The following TEDC1 variants were observed in gnomAD, a reference collection of about 807,000 sequenced individuals.
TEDC1 encodes tubulin epsilon and delta complex protein 1.
TEDC1 carries 54 observed loss-of-function variants against 59.9 expected under a neutral mutation model. That is an observed-to-expected ratio of 0.90 (90% confidence interval 0.72 to 1.13). The LOEUF (loss-of-function observed/expected upper bound fraction) is 1.13, where lower values mean the gene tolerates loss of function less well. Among genes scored for constraint, TEDC1 ranks in the 50% most tolerant of loss-of-function variants. The probability of loss-of-function intolerance (pLI) is 0.00; values close to 1 mark genes in which losing one functional copy is unlikely to be tolerated. For synonymous variants in TEDC1, 353 were observed against 298.1 expected (o/e 1.18, Z -1.90); for missense variants, 734 against 683.4 (o/e 1.07, Z -0.83).
chr14:105,497,336 C>T (rs782525898), intron 6 of TEDC1, 21 bp from the exon 7 acceptor site: 11 of 1,548,644 alleles, frequency 7.1e-6, no homozygotes, highest in East Asian at 2.4e-5. Flanking sequence ...GGTTCTAGGC[C>T]AGCTGCCGTT....
chr14:105,498,633 G>A lies in TEDC1; in HGVS notation c.1175G>A (p.Arg392Gln), dbSNP rs202031010. The A allele has an allele frequency of 8.8e-5, 136 of 1,548,324 alleles. No homozygotes were observed. In the East Asian group the frequency reaches 2.5e-3, roughly 28 times the overall value. Residue 392 changes from arginine (R) to glutamine (Q), a missense_variant, in exon 9 of 9, where the codon CGG becomes CAG. Physicochemically the swap from Arg to Gln is conservative, Grantham distance 43 (BLOSUM62 1). Coordinates refer to ENST00000392523, the MANE Select transcript of TEDC1 (RefSeq NM_001367178.1). Reference protein sequence around the residue: ...AWEAKAGGCGRGPEWSAARRA... With the variant: ...AWEAKAGGCGQGPEWSAARRA... ...CCCACGCAGGCTGGAGGCTGTGGAC[G>A]GGGGCCAGAGTGGAGTGCCGCGCGG...
In TEDC1 at chr14:105,492,568, C is replaced by T. The variant is rs774300783; in HGVS notation, c.430-11C>T. ...GGGTGGGAGCAGGGCCTGACCCTTG[C>T]CCCTCTCCAGTGTGAGGCCCTGGCC... On this transcript the variant is annotated splice_polypyrimidine_tract_variant and intron_variant, in intron 3 of 8. Coordinates refer to ENST00000392523, the MANE Select transcript of TEDC1 (RefSeq NM_001367178.1). 77 of 1,536,396 alleles carry T rather than the reference C, an allele frequency of 5.0e-5. No individual in the cohort carries two copies. Among genetic ancestry groups the T allele is most frequent in the Non-Finnish European group, 6.0e-5 (69 of 1,146,382 alleles).
chr14:105,490,836 G>T (rs2084189416), upstream of TEDC1: 1 of 645,946 alleles, frequency 1.5e-6, no homozygotes, highest in African/African-American at 1.8e-5. Flanking sequence ...GCGCCTTCCG[G>T]AGTCTGCGCG....
chr14:105,492,530 G>C (rs1555439667), intron 3 of TEDC1, 49 bp from the exon 4 acceptor site: 17 of 1,505,308 alleles, frequency 1.1e-5, no homozygotes, highest in Non-Finnish European at 1.5e-5. Context: ...GGCCTTTTCT[G>C]GGGGGCAGGG....
intron 8 of TEDC1, 93 bp downstream of exon 8, chr14:105,498,070 T>C: frequency 7.3e-7 from 1 of 1,368,304 alleles, no homozygotes; most frequent in Non-Finnish European, 9.6e-7. Flanking sequence ...ATCCTACAGT[T>C]GCATTTGTCA....
At chr14:105,493,779 C>G in intron 4 of TEDC1, 56 bp from the exon 5 acceptor site, 10 of 1,271,760 alleles carry the variant, frequency 7.9e-6, no homozygotes, top group South Asian at 4.9e-5. Context: ...GGAGACTCAG[C>G]GTTGGGGGAG....
upstream of TEDC1, chr14:105,489,879 G>T (rs1555438871): frequency 6.6e-6 from 1 of 152,368 alleles, no homozygotes; most frequent in African/African-American, 2.4e-5. Context: ...CAAGGCCGCA[G>T]AGCTGCTCCG....
rs1555440618 is a variant in TEDC1 at position 105,497,361 on chromosome 14, T to C, written c.896T>C (p.Leu299Pro). The change falls in exon 7 of 9, where the codon CTG becomes CCG. Residue 299 changes from leucine to proline, a missense_variant. Transcript: ENST00000392523. ...CAGCTGCCGTTTGCCTTCCAGCTGC[T>C]GCGGACTCTGGAGCGTGAGAACCAG... is the stretch of plus-strand genomic sequence containing the variant. The part of the protein sequence containing the change: ...CSLLSPFRAL[L>P]RTLERENQRL... 5.8e-6 allele frequency: 9 copies of C among 1,550,754 alleles called. No homozygotes were observed. Among genetic ancestry groups the C allele is most frequent in the Non-Finnish European group, 7.0e-6 (8 of 1,147,552 alleles).
At chr14:105,498,147 C>T (rs112582291) in intron 8 of TEDC1, among the ~76,000 whole-genome samples, 170 bp downstream of exon 8, 9 of 152,284 alleles carry the variant, frequency 5.9e-5, no homozygotes, top group East Asian at 5.8e-4. Context: ...GGTGAGGAGC[C>T]GCAGCTGCTG....
chr14:105,495,731 C>G (rs1555440299), intron 5 of TEDC1, 149 bp from the exon 6 acceptor site: 3 of 683,418 alleles, frequency 4.4e-6, no homozygotes, highest in Non-Finnish European at 7.3e-6. Context: ...AGAGGCTGCC[C>G]TGGCCCCAGG....
Position 105,495,892 on chromosome 14 carries a change from G to A in TEDC1, c.697G>A (p.Gly233Arg), listed in dbSNP as rs1377216881. 10 of 1,549,680 alleles carry A rather than the reference G, an allele frequency of 6.5e-6. No homozygotes were observed. In the Admixed American group the frequency reaches 2.0e-4, roughly 30 times the overall value. The change falls in exon 6 of 9, where the codon GGA (glycine) becomes AGA (arginine). Residue 233 changes from glycine (G) to arginine (R), a missense_variant. Transcript: ENST00000392523. ...PEGGQQVSGA[G>R]AAQNLDLAYP... ...GCTTCCTTCCAAGGTTTCTGGAGCG[G>A]GAGCTGCCCAAAACCTGGACCTGGC...
At chr14:105,491,850 G>C in intron 2 of TEDC1, 150 bp downstream of exon 2, 1 of 1,020,028 alleles carries the variant, frequency 9.8e-7, no homozygotes, top group Non-Finnish European at 1.4e-6. Context: ...CGCCTTCCCC[G>C]GTAAGCCACG....
intron 6 of TEDC1, 99 bp from the exon 7 acceptor site, chr14:105,497,258 C>G: frequency 8.5e-7 from 1 of 1,182,684 alleles, no homozygotes; most frequent in South Asian, 1.3e-5. Flanking sequence ...GTGAGCTAGG[C>G]GTTGGGCCGG....
In TEDC1 at chr14:105,492,225, C is replaced by G; in HGVS notation, c.345C>G (p.Ser115=). The G allele has an allele frequency of 6.2e-7, 1 of 1,612,268 alleles. No individual in the cohort carries two copies. The highest frequency in any genetic ancestry group is 1.1e-5 in the South Asian group (1 of 91,090). The change falls in exon 3 of 9, where the codon TCC becomes TCG. Residue 115 remains serine (S), a synonymous_variant. Transcript: ENST00000392523. ...GTCGGGAGCTGCTGCTGGCTCTGTC[C>G]TGGCTCTTGGCCCGAGGACCTGTGC... is the stretch of plus-strand genomic sequence containing the variant. ...QGSRELLLAL[S]WLLARGPVPE... is the part of the protein sequence containing the mutation.
upstream of TEDC1, chr14:105,490,914 G>C: frequency 9.8e-7 from 1 of 1,018,940 alleles, no homozygotes; most frequent in Non-Finnish European, 1.5e-6. Flanking sequence ...TGAGCGAGGC[G>C]GGGTGTCGGG....
chr14:105,493,752 G>A (rs1167889956), intron 4 of TEDC1, 83 bp from the exon 5 acceptor site: 70 of 974,354 alleles, frequency 7.2e-5, no homozygotes, highest in Admixed American at 1.6e-4. Flanking sequence ...TCTGATGGCC[G>A]ACCTCCCTGG....
Position 105,492,615 on chromosome 14 carries a change from C to G in TEDC1, c.466C>G (p.His156Asp), listed in dbSNP as rs1555439699. 2 of 1,542,042 alleles carry G rather than the reference C, an allele frequency of 1.3e-6. No individual in the cohort carries two copies. The highest frequency in any genetic ancestry group is 2.4e-5 in the South Asian group (2 of 84,068). ...GGCCAGCCCTGGCCCACCTGCACCC[C>G]ACATGGAAGCAGAGGGTCCTGTGGA... ...ALASPGPPAPHMEAEGPVDVR... is the reference protein window; with the variant it reads ...ALASPGPPAPDMEAEGPVDVR... The change falls in exon 4 of 9, where the codon CAC becomes GAC. Residue 156 changes from histidine (H) to aspartate (D), a missense_variant. Physicochemically the swap from His to Asp is moderately conservative, Grantham distance 81. Coordinates refer to ENST00000392523, the MANE Select transcript of TEDC1 (RefSeq NM_001367178.1).
intron 5 of TEDC1, chr14:105,494,994 C>T (rs1226703273): frequency 6.6e-6 from 1 of 152,334 alleles, no homozygotes; most frequent in East Asian, 1.9e-4. Context: ...TCTCAACCTC[C>T]TGAGTAGCTG....
At chr14:105,496,154 A>AGG (rs1395827383) in intron 6 of TEDC1, 68 bp downstream of exon 6, 4 of 80,428 alleles carry the variant, frequency 5.0e-5, no homozygotes, top group Non-Finnish European at 7.3e-5. Context: ...GGGGGTGGCG[A>AGG]GGGGGTGTGT....
Sources: allele counts gnomAD v4.1 joint callset (sites outside exome capture counted in the v4.1 genomes callset), GRCh38; gene constraint gnomAD v4.1.1; transcripts MANE v1.5; gene names NCBI Gene and HGNC (gene_info 2026-07-23, HGNC 2026-07-21).